Variants in PCDH15 observed in about 807,000 individuals in gnomAD.
The protein encoded by PCDH15 is protocadherin-15.
In PCDH15, 129 loss-of-function variants were observed where a neutral mutation model predicts 178.5. The observed-to-expected ratio is 0.72, with a 90% CI of 0.63 to 0.84. PCDH15 has a LOEUF of 0.84. PCDH15 is among the 40% of genes least tolerant of loss of function. PCDH15 has a pLI of 0.00. For synonymous variants in PCDH15, 800 were observed against 732.0 expected (o/e 1.09, Z -1.50); for missense variants, 2,230 against 2,099.9 (o/e 1.06, Z -1.21).
intron 2 of PCDH15, among the ~76,000 whole-genome samples, chr10:54,967,104 A>G (rs1838811686): frequency 6.6e-6 from 1 of 152,154 alleles, no homozygotes; most frequent in Non-Finnish European, 1.5e-5. Flanking sequence ...ACTCAGCTTT[A>G]GACTTTATAA....
At chr10:54,005,758 T>A (rs1589869880) in intron 20 of PCDH15, among the ~76,000 whole-genome samples, 1 of 151,942 alleles carries the variant, frequency 6.6e-6, no homozygotes, top group East Asian at 1.9e-4. Context: ...GAAGTTCCTA[T>A]AAAACTAAAA....
At chr10:54,453,987 C>T (rs1273036826) in intron 3 of PCDH15, among the ~76,000 whole-genome samples, 1 of 151,624 alleles carries the variant, frequency 6.6e-6, no homozygotes, top group South Asian at 2.1e-4. Context: ...ACTCTTCTTT[C>T]CAATAGGTCT....
intron 18 of PCDH15, among the ~76,000 whole-genome samples, chr10:54,033,660 G>T (rs989527438): frequency 6.6e-6 from 1 of 151,848 alleles, no homozygotes; most frequent in Non-Finnish European, 1.5e-5. Context: ...TCCATGAATT[G>T]CATTTTATGT....
chr10:53,990,537 T>TCTATATATG (rs2091398633), intron 21 of PCDH15, among the ~76,000 whole-genome samples: 1 of 130,092 alleles, frequency 7.7e-6, no homozygotes, highest in Non-Finnish European at 1.6e-5. Flanking sequence ...CTATATATGT[T>TCTATATATG]TTATATATGT....
At chr10:54,486,429 G>T (rs1473822529) in intron 3 of PCDH15, 1 of 151,956 alleles carries the variant, frequency 6.6e-6, no homozygotes, top group Middle Eastern at 3.4e-3. Flanking sequence ...CAGATAATTT[G>T]CCTTTTTGAA....
At chr10:55,035,618 T>G (rs536726180) in intron 2 of PCDH15, among the ~76,000 whole-genome samples, 2 of 152,308 alleles carry the variant, frequency 1.3e-5, no homozygotes, top group African/African-American at 4.8e-5. Context: ...TTGCATTTAA[T>G]TTTGCATTTT....
intron 8 of PCDH15, among the ~76,000 whole-genome samples, chr10:54,305,663 A>G (rs2060420977): frequency 6.6e-6 from 1 of 152,094 alleles, no homozygotes; most frequent in Non-Finnish European, 1.5e-5. Context: ...AAATTTCCAC[A>G]TAGTAAACTA....
chr10:54,655,284 G>GAGAA (rs1555126753), intron 2 of PCDH15, among the ~76,000 whole-genome samples: 2 of 126,660 alleles, frequency 1.6e-5, no homozygotes, highest in African/African-American at 5.9e-5. Flanking sequence ...GAGAGAGAGA[G>GAGAA]AGAGAGAGAG....
chr10:55,469,883 T>C (rs1280865493), intron 2 of PCDH15, among the ~76,000 whole-genome samples: 1 of 152,012 alleles, frequency 6.6e-6, no homozygotes, highest in African/African-American at 2.4e-5. Context: ...AAATTAAATA[T>C]TAAATTTAAT....
chr10:54,888,366 A>G (rs1954399036), intron 3 of PCDH15, among the ~76,000 whole-genome samples: 1 of 151,876 alleles, frequency 6.6e-6, no homozygotes, highest in Non-Finnish European at 1.5e-5. Context: ...TAGGTATATC[A>G]ATATTTCTTT....
At chr10:54,009,699 CAG>C (rs1230214922) in intron 20 of PCDH15, among the ~76,000 whole-genome samples, 1 of 152,190 alleles carries the variant, frequency 6.6e-6, no homozygotes, top group Non-Finnish European at 1.5e-5. Flanking sequence ...TGGGGTGGCA[CAG>C]AGTCAGGGGA....
chr10:53,849,713 A>C (rs149015022), intron 28 of PCDH15, among the ~76,000 whole-genome samples: 5,870 of 151,772 alleles, frequency 0.039, 353 homozygotes, highest in African/African-American at 0.13. Context: ...AAATATAAAA[A>C]ATTAGCCGGG....
intron 14 of PCDH15, among the ~76,000 whole-genome samples, chr10:54,137,974 GC>G (rs1018005416): frequency 2.6e-5 from 4 of 151,970 alleles, no homozygotes; most frequent in African/African-American, 9.7e-5. Context: ...TTTTTTTCTG[GC>G]CCCACAGCAG....
intron 2 of PCDH15, among the ~76,000 whole-genome samples, chr10:55,462,143 A>T (rs1839693093): frequency 6.6e-6 from 1 of 152,176 alleles, no homozygotes; most frequent in Non-Finnish European, 1.5e-5. Context: ...TTTTATGGAC[A>T]TAAAATATAT....
At chr10:55,055,264 T>G (rs1841269058) in intron 2 of PCDH15, among the ~76,000 whole-genome samples, 1 of 152,136 alleles carries the variant, frequency 6.6e-6, no homozygotes, top group South Asian at 2.1e-4. Flanking sequence ...TTTAGAAAAA[T>G]AAGTCTTTTA....
At chr10:55,299,516 C>G (rs1037955735) in intron 1 of PCDH15, among the ~76,000 whole-genome samples, 13 of 152,158 alleles carry the variant, frequency 8.5e-5, no homozygotes, top group African/African-American at 3.1e-4. Context: ...CTAATATGCA[C>G]ATAATTCGGG....
chr10:55,264,525 C>T (rs2132238990), intron 1 of PCDH15, among the ~76,000 whole-genome samples: 1 of 152,242 alleles, frequency 6.6e-6, no homozygotes, highest in East Asian at 1.9e-4. Context: ...CTCAGGGATG[C>T]CAGGTGGAAG....
chr10:55,578,691 A>G (rs1842545687), intron 2 of PCDH15, among the ~76,000 whole-genome samples: 1 of 152,178 alleles, frequency 6.6e-6, no homozygotes, highest in African/African-American at 2.4e-5. Context: ...TTTATAAAGG[A>G]AAGAGGTCTA....
intron 3 of PCDH15, among the ~76,000 whole-genome samples, chr10:54,897,270 T>C (rs1034014317): frequency 6.6e-6 from 1 of 152,118 alleles, no homozygotes; most frequent in Non-Finnish European, 1.5e-5. Flanking sequence ...TACAAGTGGG[T>C]TTTCAATAAA....
Sources: gnomAD v4.1 joint callset for allele counts (sites outside exome capture counted in the v4.1 genomes callset) on GRCh38, gnomAD v4.1.1 for gene constraint, MANE v1.5 for transcripts, NCBI Gene and HGNC (gene_info 2026-07-23, HGNC 2026-07-21) for gene names.